The following CDK12 variants were observed in gnomAD, a reference collection of about 807,000 sequenced individuals.
The protein encoded by CDK12 is cyclin-dependent kinase 12.
A neutral mutation model predicts 133.8 loss-of-function variants in CDK12; 17 were observed. The ratio of observed to expected loss-of-function variants is 0.13; its 90% CI spans 0.09 to 0.19. The LOEUF is 0.19. CDK12 is among the 10% of genes least tolerant of loss of function. The pLI is 1.00. For missense variants in CDK12, 1,508 were observed against 1,818.7 expected (o/e 0.83, Z 3.11); for synonymous variants, 694 against 683.6 (o/e 1.02, Z -0.24).
intron 10 of CDK12, among the ~76,000 whole-genome samples, chr17:39,518,620 G>A (rs758711582): frequency 3.3e-5 from 5 of 151,608 alleles, no homozygotes; most frequent in Non-Finnish European, 7.4e-5. Context: ...GTGCAGTGAC[G>A]CGATCTTGGC....
rs372515059 is a variant in CDK12, at chr17:39,480,943, T to C, written c.1931+9180T>C. Among the ~76,000 whole-genome samples the C allele has an allele frequency of 8.0e-4, 122 of 152,280 alleles. 1 individual carries two copies. The highest frequency in any genetic ancestry group is 2.9e-3 in the African/African-American group (119 of 41,574). ...ATTTCTGCCTTAAGTAGATCATCTGTATACTTTTCTTAGAAATTTCAGTTA... is the reference window on the plus strand; with the variant it reads ...ATTTCTGCCTTAAGTAGATCATCTGCATACTTTTCTTAGAAATTTCAGTTA... On this transcript the variant is annotated intron_variant, in intron 2 of 13. Transcript: ENST00000447079.
chr17:39,539,590 A>G (rs913042296), intron 1 of CDK12, among the ~76,000 whole-genome samples: 1 of 152,162 alleles, frequency 6.6e-6, no homozygotes, highest in African/African-American at 2.4e-5. Context: ...AGACAGGACA[A>G]CCTCTGAGGA....
At chr17:39,538,955 A>G (rs891494916), downstream of CDK12, among the ~76,000 whole-genome samples, 2 of 150,056 alleles carry the variant, frequency 1.3e-5, no homozygotes, top group Non-Finnish European at 2.9e-5. Context: ...ATACATACAT[A>G]AGGCTAGTAT....
intron 10 of CDK12, among the ~76,000 whole-genome samples, chr17:39,518,639 A>G (rs1021460250): frequency 6.6e-6 from 1 of 151,244 alleles, no homozygotes; most frequent in African/African-American, 2.4e-5. Context: ...GCTCACCACA[A>G]CCTTCGTCTC....
chr17:39,492,913 A>G, intron 4 of CDK12, 23 bp downstream of exon 4: 1 of 1,581,508 alleles, frequency 6.3e-7, no homozygotes, highest in Non-Finnish European at 8.6e-7. Flanking sequence ...ACAAAATTTT[A>G]GATGTCAGAA....
intron 6 of CDK12, 116 bp downstream of exon 6, chr17:39,501,555 T>G: frequency 1.6e-6 from 1 of 643,638 alleles, no homozygotes; most frequent in Non-Finnish European, 2.6e-6. Context: ...CACACACTAT[T>G]TAGTGATATT....
intron 7 of CDK12, 26 bp downstream of exon 7, chr17:39,509,787 T>C (rs764075302): frequency 7.1e-6 from 11 of 1,554,472 alleles, no homozygotes; most frequent in South Asian, 1.1e-5. Context: ...AAATTACATG[T>C]GGGAAATAAG....
chr17:39,466,779 GC>G (rs1444997343), intron 1 of CDK12, among the ~76,000 whole-genome samples: 7 of 151,678 alleles, frequency 4.6e-5, no homozygotes, highest in Non-Finnish European at 1.0e-4. Flanking sequence ...AGAGACACAT[GC>G]ACGCTTTTAG....
intron 2 of CDK12, among the ~76,000 whole-genome samples, chr17:39,555,979 A>C (rs2056147857): frequency 6.7e-6 from 1 of 150,372 alleles, no homozygotes; most frequent in African/African-American, 2.5e-5. Flanking sequence ...GGTTGCAGTA[A>C]GCCAAGATTG....
chr17:39,483,289 A>G (rs2050866981), intron 2 of CDK12, among the ~76,000 whole-genome samples: 1 of 151,402 alleles, frequency 6.6e-6, no homozygotes, highest in South Asian at 2.1e-4. Context: ...TTAAGAGACA[A>G]GTTTTCCCTT....
intron 2 of CDK12, among the ~76,000 whole-genome samples, chr17:39,481,253 CA>C (rs1207247004): frequency 4.4e-4 from 26 of 59,608 alleles, no homozygotes; most frequent in Non-Finnish European, 5.5e-4. Flanking sequence ...AACTCCGTCT[CA>C]AAAAAAAAAA....
At chr17:39,562,227 C>T (rs575785035) in intron 3 of CDK12, among the ~76,000 whole-genome samples, 5 of 152,324 alleles carry the variant, frequency 3.3e-5, no homozygotes, top group East Asian at 1.9e-4. Flanking sequence ...CGTGAGCCAC[C>T]GTGCCCAGCT....
intron 2 of CDK12, among the ~76,000 whole-genome samples, chr17:39,476,502 C>G (rs1408859619): frequency 1.3e-5 from 2 of 150,942 alleles, no homozygotes; most frequent in Non-Finnish European, 2.9e-5. Flanking sequence ...CTGCATCCGC[C>G]TCCCGGGTTC....
chr17:39,476,064 ATTTTTT>A (rs200621398), intron 2 of CDK12, among the ~76,000 whole-genome samples: 2 of 144,406 alleles, frequency 1.4e-5, no homozygotes, highest in Non-Finnish European at 3.1e-5. Flanking sequence ...AAGAATCTTG[ATTTTTT>A]TTTTTTTTAC....
At chr17:39,528,287 A>G (rs1436805148) in intron 13 of CDK12, among the ~76,000 whole-genome samples, 1 of 152,120 alleles carries the variant, frequency 6.6e-6, no homozygotes, top group East Asian at 1.9e-4. Context: ...TTTATAATTC[A>G]TATTTTTAAT....
At chr17:39,486,659 G>T (rs981110095) in intron 2 of CDK12, among the ~76,000 whole-genome samples, 1 of 152,022 alleles carries the variant, frequency 6.6e-6, no homozygotes, top group African/African-American at 2.4e-5. Flanking sequence ...TCCGACAGTG[G>T]TTGAGAAATT....
intron 5 of CDK12, among the ~76,000 whole-genome samples, chr17:39,499,214 T>TCTTTCTTTCTTTCTTTCTTTC (rs1344804298): frequency 5.7e-5 from 6 of 105,194 alleles, no homozygotes; most frequent in African/African-American, 8.3e-5. Context: ...TTTCCTTTTT[T>TCTTTCTTTCTTTCTTTCTTTC]TTTTTTTTTT....
At chr17:39,559,690 T>C (rs2056296629) in intron 3 of CDK12, among the ~76,000 whole-genome samples, 1 of 152,104 alleles carries the variant, frequency 6.6e-6, no homozygotes, top group Non-Finnish European at 1.5e-5. Flanking sequence ...CCTGGGCTTA[T>C]TAGCTGGGCA....
chr17:39,463,090 G>T lies in CDK12; in HGVS notation c.1019G>T (p.Arg340Leu). 1 of 1,614,132 alleles carries T rather than the reference G, an allele frequency of 6.2e-7. No individual in the cohort carries two copies. The highest frequency in any genetic ancestry group is 8.5e-7 in the Non-Finnish European group (1 of 1,179,994). The change falls in exon 1 of 14, where the codon CGG becomes CTG. Residue 340 changes from arginine (R) to leucine (L), a missense_variant. Arg to Leu is a moderately radical substitution (Grantham distance 102). Transcript: ENST00000447079. Reference protein sequence around the residue: ...RRSSSPFLSKRSLSRSPLPSR... With the variant: ...RRSSSPFLSKLSLSRSPLPSR... ...TCCAGCAGCCCTTTCCTGAGCAAGC[G>T]GTCTCTGAGTCGGAGTCCACTCCCC...
Sources: allele counts gnomAD v4.1 joint callset (sites outside exome capture counted in the v4.1 genomes callset), GRCh38; gene constraint gnomAD v4.1.1; transcripts MANE v1.5; gene names NCBI Gene and HGNC (gene_info 2026-07-23, HGNC 2026-07-21).